The following LINGO2 variants were observed in gnomAD, a reference collection of about 807,000 sequenced individuals.
LINGO2 encodes the protein leucine rich repeat and Ig domain containing 2.
In LINGO2, 14 loss-of-function variants were observed where a neutral mutation model predicts 30.6. The observed-to-expected ratio is 0.46, with a 90% CI of 0.30 to 0.72. The LOEUF (loss-of-function observed/expected upper bound fraction) is 0.72, where lower values mean the gene tolerates loss of function less well. LINGO2 is among the 30% of genes least tolerant of loss of function. The pLI is 0.07. For synonymous variants in LINGO2, 317 were observed against 288.5 expected, an observed-to-expected ratio of 1.10 and a Z score of -1.00; for missense variants, 729 against 751.7, an observed-to-expected ratio of 0.97 and a Z score of 0.35.
chr9:28,437,745 C>T (rs1168338777), intron 2 of LINGO2, among the ~76,000 whole-genome samples: 1 of 151,950 alleles, frequency 6.6e-6, no homozygotes, highest in African/African-American at 2.4e-5. Flanking sequence ...CTTCTTGAGC[C>T]TATAGAAAGA....
chr9:28,298,087 T>C (rs1435299639), intron 3 of LINGO2, among the ~76,000 whole-genome samples: 1 of 152,152 alleles, frequency 6.6e-6, no homozygotes, highest in African/African-American at 2.4e-5. Flanking sequence ...TGAAACTGTA[T>C]CCTGTCACCA....
intron 5 of LINGO2, among the ~76,000 whole-genome samples, chr9:28,000,216 G>A (rs1416699908): frequency 6.6e-6 from 1 of 152,134 alleles, no homozygotes; most frequent in Non-Finnish European, 1.5e-5. Flanking sequence ...ATTGCCATAT[G>A]GCACAGCTCC....
chr9:29,048,802 A>T, the LINGO2 span, among the ~76,000 whole-genome samples: 1,331 of 152,338 alleles, frequency 8.7e-3, 16 homozygotes, highest in African/African-American at 0.03. Flanking sequence ...TTTGCTATAT[A>T]CAAAAATCAA....
the LINGO2 span, among the ~76,000 whole-genome samples, chr9:29,057,934 G>C: frequency 6.6e-5 from 10 of 152,174 alleles, no homozygotes; most frequent in East Asian, 1.9e-3. Context: ...CAACGACAAG[G>C]CTTGAAAGGA....
At chr9:28,442,524 CT>C (rs1564201925) in intron 2 of LINGO2, among the ~76,000 whole-genome samples, 2 of 151,978 alleles carry the variant, frequency 1.3e-5, no homozygotes, top group Non-Finnish European at 2.9e-5. Context: ...GTTTTATAAA[CT>C]TTTTTTGTTT....
intron 4 of LINGO2, among the ~76,000 whole-genome samples, chr9:28,124,474 T>G (rs1338669612): frequency 6.6e-6 from 1 of 152,228 alleles, no homozygotes; most frequent in African/African-American, 2.4e-5. Flanking sequence ...TTTATAATGA[T>G]GCATATTATA....
chr9:28,977,491 T>C, the LINGO2 span, among the ~76,000 whole-genome samples: 1 of 152,152 alleles, frequency 6.6e-6, no homozygotes, highest in African/African-American at 2.4e-5. Context: ...TATTTTTCTT[T>C]AATTTTATAA....
chr9:28,731,469 A>T, the LINGO2 span, among the ~76,000 whole-genome samples: 2 of 152,204 alleles, frequency 1.3e-5, no homozygotes, highest in Non-Finnish European at 2.9e-5. Flanking sequence ...AGTTCCATTT[A>T]TATAATACTT....
At chr9:28,016,775 G>A (rs1460457731) in intron 4 of LINGO2, among the ~76,000 whole-genome samples, 1 of 151,440 alleles carries the variant, frequency 6.6e-6, no homozygotes, top group African/African-American at 2.4e-5. Flanking sequence ...AAGAAGAGCT[G>A]GTATCAATCC....
At position 27,991,515 on chromosome 9, in the gene LINGO2, G is replaced by A. The variant is rs1430851183; in HGVS notation, c.-36+20840C>T. On this transcript the variant is annotated intron_variant, in intron 5 of 5. Coordinates refer to ENST00000379992, the Ensembl canonical transcript of LINGO2. Reference sequence around the variant, plus strand: ...ATTAGCATAGCTCTCTCAAGACCCGGCAGATGCTAGGCGTCAAGGCATCCT... The same window carrying A: ...ATTAGCATAGCTCTCTCAAGACCCGACAGATGCTAGGCGTCAAGGCATCCT... Among the ~76,000 whole-genome samples the A allele has an allele frequency of 3.3e-5, 5 of 152,052 alleles. No individual in the cohort carries two copies. The East Asian group carries it at 9.7e-4, about 30-fold the overall frequency.
chr9:28,192,563 C>T (rs1177920677), intron 4 of LINGO2, among the ~76,000 whole-genome samples: 1 of 152,082 alleles, frequency 6.6e-6, no homozygotes, highest in Non-Finnish European at 1.5e-5. Flanking sequence ...ATAACCCACA[C>T]ATAACCCACT....
At chr9:29,141,092 T>C in the LINGO2 span, among the ~76,000 whole-genome samples, 1 of 152,106 alleles carries the variant, frequency 6.6e-6, no homozygotes, top group Admixed American at 6.6e-5. Flanking sequence ...ACAAAAATAT[T>C]TGAAGCATAG....
At chr9:28,679,131 T>C in the LINGO2 span, among the ~76,000 whole-genome samples, 1 of 152,094 alleles carries the variant, frequency 6.6e-6, no homozygotes, top group East Asian at 1.9e-4. Context: ...AGAGAAATTC[T>C]TGGCGGGTCA....
At chr9:28,568,960 A>T (rs1330806229) in intron 1 of LINGO2, among the ~76,000 whole-genome samples, 1 of 152,022 alleles carries the variant, frequency 6.6e-6, no homozygotes, top group African/African-American at 2.4e-5. Context: ...CAACACTCCC[A>T]ATAAAAAGTG....
At chr9:29,035,994 G>A in the LINGO2 span, among the ~76,000 whole-genome samples, 3 of 152,036 alleles carry the variant, frequency 2.0e-5, no homozygotes, top group African/African-American at 4.8e-5. Flanking sequence ...TGGGAAGCAA[G>A]ATTAGAAAGA....
chr9:28,522,747 A>G (rs1277502604), intron 1 of LINGO2, among the ~76,000 whole-genome samples: 1 of 152,180 alleles, frequency 6.6e-6, no homozygotes, highest in African/African-American at 2.4e-5. Context: ...ATTTCTACAG[A>G]GCATTCGAAA....
At chr9:28,562,663 C>T (rs1220476053) in intron 1 of LINGO2, among the ~76,000 whole-genome samples, 1 of 151,738 alleles carries the variant, frequency 6.6e-6, no homozygotes, top group Non-Finnish European at 1.5e-5. Context: ...ATGAGGTGAG[C>T]CTCTTTCTGA....
At chr9:28,978,816 A>C in the LINGO2 span, among the ~76,000 whole-genome samples, 1 of 143,094 alleles carries the variant, frequency 7.0e-6, no homozygotes, top group East Asian at 2.1e-4. Flanking sequence ...AGGAAAAAAA[A>C]TATTTCCAAC....
At chr9:28,216,430 TAGAAAAAAGAATGTGTAGCA>T (rs1820769512) in intron 4 of LINGO2, among the ~76,000 whole-genome samples, 1 of 151,598 alleles carries the variant, frequency 6.6e-6, no homozygotes, top group Non-Finnish European at 1.5e-5. Flanking sequence ...GAAGAAAGAG[TAGAAAAAAGAATGTGTAGCA>T]TAACTCACTT....
Sources: gnomAD v4.1 joint callset for allele counts (sites outside exome capture counted in the v4.1 genomes callset) on GRCh38, gnomAD v4.1.1 for gene constraint, MANE v1.5 for transcripts, NCBI Gene and HGNC (gene_info 2026-07-23, HGNC 2026-07-21) for gene names.